Variants in SLC12A6 observed in about 807,000 individuals in gnomAD.
The protein encoded by SLC12A6 is solute carrier family 12 member 6.
SLC12A6 carries 66 observed loss-of-function variants against 135.3 expected under a neutral mutation model. The observed-to-expected ratio is 0.49, with a 90% CI of 0.40 to 0.60. The LOEUF (loss-of-function observed/expected upper bound fraction) is 0.60. Ranked by LOEUF, SLC12A6 falls within the 20% of genes least tolerant of loss-of-function variation. SLC12A6 has a pLI of 0.00. For synonymous variants in SLC12A6, 513 were observed against 508.8 expected, an observed-to-expected ratio of 1.01 and a Z score of -0.11; for missense variants, 1,058 against 1,452.3, an observed-to-expected ratio of 0.73 and a Z score of 4.41.
At chr15:34,318,241 G>A (rs1888790244) in intron 2 of SLC12A6, among the ~76,000 whole-genome samples, 1 of 152,128 alleles carries the variant, frequency 6.6e-6, no homozygotes, top group African/African-American at 2.4e-5. Flanking sequence ...TAAACTGTGA[G>A]GAAAAAGTGA....
chr15:34,309,463 G>A (rs2141057833), intron 2 of SLC12A6, among the ~76,000 whole-genome samples: 1 of 151,954 alleles, frequency 6.6e-6, no homozygotes, highest in Non-Finnish European at 1.5e-5. Flanking sequence ...TCTCTTGTGG[G>A]GCAAAAGTAG....
intron 2 of SLC12A6, among the ~76,000 whole-genome samples, chr15:34,278,582 T>C (rs2927224): frequency 0.064 from 9,666 of 151,774 alleles, 1,012 homozygotes; most frequent in African/African-American, 0.22. Flanking sequence ...AGTCCTTTTA[T>C]TTTTTTTGAG....
At chr15:34,273,440 T>C (rs1843969432) in intron 3 of SLC12A6, among the ~76,000 whole-genome samples, 2 of 152,210 alleles carry the variant, frequency 1.3e-5, no homozygotes, top group Non-Finnish European at 2.9e-5. Flanking sequence ...TGTCAAACCA[T>C]TTACTTAACA....
chr15:34,289,583 A>C (rs528308436), intron 2 of SLC12A6, among the ~76,000 whole-genome samples: 52 of 152,322 alleles, frequency 3.4e-4, no homozygotes, highest in Non-Finnish European at 5.4e-4. Flanking sequence ...CCTCTGGTAG[A>C]ATCTGGCTGT....
intron 19 of SLC12A6, among the ~76,000 whole-genome samples, chr15:34,240,194 G>T (rs1214408656): frequency 1.3e-5 from 2 of 151,916 alleles, no homozygotes; most frequent in Middle Eastern, 3.2e-3. Context: ...GTATTAGAGT[G>T]AAAACAACTT....
At chr15:34,275,516 A>T in intron 2 of SLC12A6, 127 bp from the exon 3 acceptor site, 1 of 653,630 alleles carries the variant, frequency 1.5e-6, no homozygotes. Context: ...TGAAATATTA[A>T]TGTGAAGATA....
intron 3 of SLC12A6, among the ~76,000 whole-genome samples, chr15:34,266,008 CTTTTT>C (rs34173980): frequency 9.8e-6 from 1 of 102,322 alleles, no homozygotes; most frequent in Admixed American, 1.1e-4. Flanking sequence ...ATACAGAAAG[CTTTTT>C]TTTTTTTTTT....
chr15:34,307,286 G>A (rs1248218671), intron 2 of SLC12A6, among the ~76,000 whole-genome samples: 2 of 152,118 alleles, frequency 1.3e-5, no homozygotes, highest in Non-Finnish European at 2.9e-5. Context: ...ACAGGTAACA[G>A]ACATGAACAG....
chr15:34,319,073 T>G (rs908968757), intron 2 of SLC12A6, among the ~76,000 whole-genome samples: 1 of 152,036 alleles, frequency 6.6e-6, no homozygotes, highest in Admixed American at 6.6e-5. Flanking sequence ...TATCTGCATG[T>G]CATGATCTCA....
At chr15:34,300,392 GACAGTACA>G (rs1192259725) in intron 2 of SLC12A6, among the ~76,000 whole-genome samples, 2 of 152,062 alleles carry the variant, frequency 1.3e-5, no homozygotes, top group Non-Finnish European at 2.9e-5. Context: ...AAATAGTGTC[GACAGTACA>G]ACATTGTTGG....
chr15:34,331,638 T>G (rs7166066), intron 2 of SLC12A6, among the ~76,000 whole-genome samples: 1 of 152,128 alleles, frequency 6.6e-6, no homozygotes, highest in Non-Finnish European at 1.5e-5. Context: ...TTACACTAGG[T>G]GTAAATGATT....
chr15:34,283,398 T>C (rs1894817225), intron 2 of SLC12A6, among the ~76,000 whole-genome samples: 1 of 151,946 alleles, frequency 6.6e-6, no homozygotes. Flanking sequence ...TTTCAGCTTA[T>C]GGTGTTATAA....
intron 2 of SLC12A6, among the ~76,000 whole-genome samples, chr15:34,290,871 G>A (rs1171528630): frequency 1.3e-5 from 2 of 152,026 alleles, no homozygotes; most frequent in East Asian, 3.8e-4. Context: ...GAGCCTATGT[G>A]TGTCTTTGCA....
At chr15:34,240,127 C>T (rs1891544086) in intron 19 of SLC12A6, among the ~76,000 whole-genome samples, 1 of 151,548 alleles carries the variant, frequency 6.6e-6, no homozygotes, top group Non-Finnish European at 1.5e-5. Context: ...TTTTGAAATG[C>T]CATTGAACAC....
In SLC12A6 at chr15:34,237,306, G is replaced by A. The variant is rs1222823686; in HGVS notation, c.2934+113C>T. 47 of 873,716 alleles carry A rather than the reference G, an allele frequency of 5.4e-5. No individual in the cohort carries two copies. In the Admixed American group the frequency reaches 1.0e-3, roughly 19 times the overall value. The allele number at this position is 873,716 out of a possible 1,614,324, so 54.1% of individuals were successfully genotyped here. On this transcript the variant is annotated intron_variant, in intron 22 of 25. Coordinates refer to ENST00000354181, the MANE Select transcript of SLC12A6 (RefSeq NM_001365088.1). The stretch of plus-strand genomic sequence containing the variant: ...TTTTTTGTTTTTTTTTTGGCACTAG[G>A]GGATTAATCCACATTTAGATCTGAA...
intron 5 of SLC12A6, among the ~76,000 whole-genome samples, chr15:34,258,396 G>GA (rs1481045507): frequency 2.6e-5 from 4 of 152,138 alleles, no homozygotes; most frequent in Non-Finnish European, 5.9e-5. Context: ...CCCTCTCCCT[G>GA]AATGCTCTTT....
intron 13 of SLC12A6, among the ~76,000 whole-genome samples, chr15:34,249,338 T>C (rs555277424): frequency 3.4e-4 from 51 of 152,082 alleles, no homozygotes; most frequent in South Asian, 6.2e-4. Context: ...GGTGGGAGGA[T>C]TGCTTGATCC....
Position 34,235,263 on chromosome 15 carries a change from A to G in SLC12A6, c.3279T>C (p.Val1093=). 1 of 1,613,078 alleles carries G rather than the reference A, an allele frequency of 6.2e-7. No individual in the cohort carries two copies. The highest frequency in any genetic ancestry group is 1.3e-5 in the African/African-American group (1 of 74,976). ...RMHTAVKLNE[V]IVNKSHEAKL... The stretch of plus-strand genomic sequence containing the variant: ...TTGCTTCATGGGACTTGTTAACTAT[A>G]ACCTCGTTGAGTTTCACTGCTGTAT... Residue 1093 remains valine (V), a synonymous_variant, in exon 25 of 26, where the codon GTT becomes GTC. Transcript: ENST00000354181.
intron 2 of SLC12A6, among the ~76,000 whole-genome samples, chr15:34,321,799 T>TA (rs1402081343): frequency 3.3e-5 from 5 of 152,230 alleles, no homozygotes; most frequent in Non-Finnish European, 5.9e-5. Flanking sequence ...ATAAACTAGA[T>TA]ATGTTCAACA....
Sources: gnomAD v4.1 joint callset for allele counts (sites outside exome capture counted in the v4.1 genomes callset) on GRCh38, gnomAD v4.1.1 for gene constraint, MANE v1.5 for transcripts, NCBI Gene and HGNC (gene_info 2026-07-23, HGNC 2026-07-21) for gene names.